NEMP2: variants seen among roughly 807,000 people sequenced by gnomAD.
The protein encoded by NEMP2 is UPF0571 transmembrane protein.
NEMP2 carries 53 observed loss-of-function variants against 54.2 expected under a neutral mutation model. The observed-to-expected ratio is 0.98, with a 90% CI of 0.78 to 1.23. The LOEUF (loss-of-function observed/expected upper bound fraction) is 1.23. Among genes scored for constraint, NEMP2 ranks in the 50% most tolerant of loss-of-function variants. The pLI is 0.00. For missense variants in NEMP2, 455 were observed against 511.3 expected (o/e 0.89, Z 1.06); for synonymous variants, 197 against 190.3 (o/e 1.04, Z -0.29).
chr2:190,599,390 C>T, the NEMP2 span, among the ~76,000 whole-genome samples: 9 of 152,214 alleles, frequency 5.9e-5, no homozygotes, highest in Admixed American at 3.3e-4. Context: ...TGGCAGGCCT[C>T]GAGGAACATC....
chr2:190,531,927 A>G lies in NEMP2; in HGVS notation c.97+2632T>C, dbSNP rs1384978697. Among the ~76,000 whole-genome samples the G allele has an allele frequency of 1.3e-5, 2 of 152,196 alleles. No homozygotes were observed. The highest frequency in any genetic ancestry group is 2.9e-5 in the Non-Finnish European group (2 of 68,042). Reference sequence around the variant, plus strand: ...CTTAGCAGAACCTAACTCCCAACACAAAAATATCTCACCAATGTTCCTCCT... The same window carrying G: ...CTTAGCAGAACCTAACTCCCAACACGAAAATATCTCACCAATGTTCCTCCT... On this transcript the variant is annotated intron_variant, in intron 1 of 8. Coordinates refer to ENST00000409150, the MANE Select transcript of NEMP2 (RefSeq NM_001142645.2). The surrounding 1 kb of genome is among the most constrained non-coding windows in gnomAD (Gnocchi z 4.7).
At position 190,516,258 on chromosome 2, in the gene NEMP2, C is replaced by T. The variant is rs1193703865; in HGVS notation, c.727+12G>A. On this transcript the variant is annotated intron_variant, in intron 6 of 8. Coordinates refer to ENST00000409150, the MANE Select transcript of NEMP2 (RefSeq NM_001142645.2). ...ACCAATCACAGAGCATATTGTTTTT[C>T]TATTTACCTACCTAATACATATATC... 3 of 1,528,980 alleles carry T rather than the reference C, an allele frequency of 2.0e-6. No individual in the cohort carries two copies. The East Asian group carries it at 7.4e-5, about 37-fold the overall frequency. 94.7% of individuals were successfully genotyped at this position (1,528,980 alleles called of 1,614,324 possible). A position where few individuals can be genotyped will look rare whatever the true frequency, so the allele number is the denominator to read the frequency against.
rs1346357295 is a variant in NEMP2 at position 190,529,728 on chromosome 2, T to C, written c.98-4350A>G. Among the ~76,000 whole-genome samples the C allele has an allele frequency of 6.6e-6, 1 of 152,154 alleles. No homozygotes were observed. Among genetic ancestry groups the C allele is most frequent in the East Asian group, 1.9e-4 (1 of 5,192 alleles). On this transcript the variant is annotated intron_variant, in intron 1 of 8. Coordinates refer to ENST00000409150, the MANE Select transcript of NEMP2 (RefSeq NM_001142645.2). This position sits in a 1 kb window ranked among gnomAD's most constrained non-coding sequence, Gnocchi z 4.7. ...TATTTAGGCATGTGTGGCCTACCAA[T>C]GGAAGTCCAGCCAATCTTTGTAAGA...
the NEMP2 span, chr2:190,607,736 A>C: frequency 6.6e-6 from 1 of 152,236 alleles, no homozygotes; most frequent in African/African-American, 2.4e-5. This position sits in a 1 kb window ranked among gnomAD's most constrained non-coding sequence, Gnocchi z 5.2. Context: ...AAGTACAGTC[A>C]GTTGCCGTGC....
At chr2:190,489,724 G>A in the NEMP2 span, 9 of 1,552,292 alleles carry the variant, frequency 5.8e-6, no homozygotes, top group South Asian at 1.0e-4. The surrounding 1 kb of genome is among the most constrained non-coding windows in gnomAD (Gnocchi z 6.6). Context: ...AGCGCTATCT[G>A]CATTTCTTGG....
downstream of NEMP2, among the ~76,000 whole-genome samples, chr2:190,503,834 CAGAA>C (rs1157395633): frequency 1.3e-5 from 2 of 152,136 alleles, no homozygotes; most frequent in Non-Finnish European, 1.5e-5. This position sits in a 1 kb window ranked among gnomAD's most constrained non-coding sequence, Gnocchi z 6.3. Context: ...TGTCAGATCT[CAGAA>C]AGTAATTTAC....
upstream of NEMP2, chr2:190,535,779 C>A (rs1691356353): frequency 6.6e-6 from 1 of 152,192 alleles, no homozygotes. Context: ...GTAAGGGACT[C>A]TTCAGAGGGA....
the NEMP2 span, among the ~76,000 whole-genome samples, chr2:190,630,028 G>A: frequency 1.3e-5 from 2 of 152,218 alleles, no homozygotes; most frequent in African/African-American, 2.4e-5. The surrounding 1 kb of genome is among the most constrained non-coding windows in gnomAD (Gnocchi z 5.5). Context: ...AAGAACCAAG[G>A]TCGTGGTGAA....
the NEMP2 span, among the ~76,000 whole-genome samples, chr2:190,483,647 C>T: frequency 1.3e-5 from 2 of 151,926 alleles, no homozygotes; most frequent in Non-Finnish European, 2.9e-5. Flanking sequence ...CCATCCTGGC[C>T]AACATGGTGA....
chr2:190,581,794 T>G, the NEMP2 span, among the ~76,000 whole-genome samples: 4 of 152,178 alleles, frequency 2.6e-5, no homozygotes, highest in Non-Finnish European at 4.4e-5. Flanking sequence ...AGTACATGTC[T>G]AGTGCCGTGC....
the NEMP2 span, among the ~76,000 whole-genome samples, chr2:190,554,041 T>A: frequency 0.17 from 25,348 of 152,086 alleles, 2,282 homozygotes; most frequent in Middle Eastern, 0.22. The surrounding 1 kb of genome is among the most constrained non-coding windows in gnomAD (Gnocchi z 5.7). Context: ...GGGCATCGCC[T>A]CATCCGGGAA....
At chr2:190,503,239 G>T (rs1690094722), downstream of NEMP2, among the ~76,000 whole-genome samples, 1 of 152,216 alleles carries the variant, frequency 6.6e-6, no homozygotes. This position sits in a 1 kb window ranked among gnomAD's most constrained non-coding sequence, Gnocchi z 6.3. Context: ...AAACCCAGAG[G>T]TTGGTAGGGA....
chr2:190,566,136 C>T, the NEMP2 span, among the ~76,000 whole-genome samples: 11 of 152,088 alleles, frequency 7.2e-5, no homozygotes, highest in African/African-American at 2.7e-4. Context: ...CTAGTCCCTT[C>T]ATTGCAGTGT....
the NEMP2 span, chr2:190,437,618 T>G: frequency 1.3e-6 from 2 of 1,535,406 alleles, no homozygotes; most frequent in African/African-American, 1.4e-5. This position sits in a 1 kb window ranked among gnomAD's most constrained non-coding sequence, Gnocchi z 5.9. Context: ...CTTTTTATGG[T>G]TTATAGCTCC....
At chr2:190,576,146 T>G in the NEMP2 span, among the ~76,000 whole-genome samples, 1 of 152,124 alleles carries the variant, frequency 6.6e-6, no homozygotes, top group South Asian at 2.1e-4. Context: ...TTTTAAAATT[T>G]TTTTTCTAGA....
At chr2:190,545,465 A>T in the NEMP2 span, among the ~76,000 whole-genome samples, 1 of 152,240 alleles carries the variant, frequency 6.6e-6, no homozygotes, top group Admixed American at 6.5e-5. Context: ...AACAGCAGAT[A>T]TCCGTTTAGT....
chr2:190,500,152 C>G (rs970149393), downstream of NEMP2: 3 of 1,614,062 alleles, frequency 1.9e-6, no homozygotes, highest in African/African-American at 4.0e-5. The surrounding 1 kb of genome is among the most constrained non-coding windows in gnomAD (Gnocchi z 5.3). Context: ...CCGCTCACCC[C>G]AGTGTGGACC....
chr2:190,589,007 T>G, the NEMP2 span, among the ~76,000 whole-genome samples: 1 of 152,192 alleles, frequency 6.6e-6, no homozygotes, highest in African/African-American at 2.4e-5. This position sits in a 1 kb window ranked among gnomAD's most constrained non-coding sequence, Gnocchi z 4.3. Context: ...TTTGAATATC[T>G]TTATATGGGC....
the NEMP2 span, among the ~76,000 whole-genome samples, chr2:190,433,009 C>T: frequency 6.6e-6 from 1 of 152,204 alleles, no homozygotes; most frequent in African/African-American, 2.4e-5. This position sits in a 1 kb window ranked among gnomAD's most constrained non-coding sequence, Gnocchi z 4.5. Flanking sequence ...TTTCTCAGAT[C>T]TACCAAGTCT....
Sources: allele counts gnomAD v4.1 joint callset (sites outside exome capture counted in the v4.1 genomes callset), GRCh38; gene constraint gnomAD v4.1.1; non-coding constraint Gnocchi (gnomAD v3.1); transcripts MANE v1.5; gene names NCBI Gene and HGNC (gene_info 2026-07-23, HGNC 2026-07-21).